USP32: variants seen among roughly 807,000 people sequenced by gnomAD.
USP32 encodes ubiquitin carboxyl-terminal hydrolase 32.
Under a neutral mutation model 204.8 loss-of-function variants are expected in USP32, and 59 were observed. The ratio of observed to expected loss-of-function variants is 0.29; its 90% confidence interval spans 0.23 to 0.36. USP32 has a LOEUF of 0.36. Among genes scored for constraint, USP32 ranks in the 10% least tolerant of loss-of-function variants. The pLI, the probability that USP32 is intolerant of heterozygous loss-of-function variation, is 1.00. For synonymous variants in USP32, 517 were observed against 678.4 expected (o/e 0.76, Z 3.70); for missense variants, 1,160 against 1,946.4 (o/e 0.60, Z 7.60).
intron 9 of USP32, among the ~76,000 whole-genome samples, chr17:60,262,571 T>C (rs1180811285): frequency 6.6e-6 from 1 of 152,154 alleles, no homozygotes; most frequent in East Asian, 1.9e-4. Flanking sequence ...ACTTGCTCTG[T>C]TCTACTTGAA....
intron 1 of USP32, among the ~76,000 whole-genome samples, chr17:60,370,597 CA>C (rs200083885): frequency 1.3e-5 from 2 of 148,776 alleles, no homozygotes; most frequent in Admixed American, 6.7e-5. Context: ...CCTGCCTCTA[CA>C]AAAAAAAATA....
intron 2 of USP32, among the ~76,000 whole-genome samples, chr17:60,313,302 T>A (rs2087899063): frequency 6.6e-6 from 1 of 152,030 alleles, no homozygotes; most frequent in Non-Finnish European, 1.5e-5. Flanking sequence ...TTCCTATATG[T>A]GTGTGTTTTG....
intron 1 of USP32, chr17:60,421,917 G>T: frequency 1.0e-6 from 1 of 985,684 alleles, no homozygotes; most frequent in Non-Finnish European, 1.2e-6. Context: ...GACCGCTGCG[G>T]TACCTGCCCC....
At chr17:60,217,357 C>T (rs1026206815) in intron 16 of USP32, among the ~76,000 whole-genome samples, 7 of 152,144 alleles carry the variant, frequency 4.6e-5, no homozygotes, top group African/African-American at 1.4e-4. Context: ...GTGCATGGCG[C>T]GATCTCGGCT....
chr17:60,388,772 G>A (rs1261602231), intron 1 of USP32, among the ~76,000 whole-genome samples: 1 of 152,178 alleles, frequency 6.6e-6, no homozygotes, highest in Admixed American at 6.5e-5. Flanking sequence ...TTAAGGTTTA[G>A]ACAACTGACA....
chr17:60,256,275 A>G (rs2086302028), intron 9 of USP32, among the ~76,000 whole-genome samples: 1 of 152,166 alleles, frequency 6.6e-6, no homozygotes, highest in African/African-American at 2.4e-5. Flanking sequence ...TTGTTTTTTC[A>G]AAAAAGTTCA....
At chr17:60,204,281 C>T (rs1201136846) in intron 26 of USP32, among the ~76,000 whole-genome samples, 1 of 152,134 alleles carries the variant, frequency 6.6e-6, no homozygotes, top group South Asian at 2.1e-4. Context: ...TACACAAACA[C>T]ACAGGAAACA....
chr17:60,358,887 T>C (rs1368355499), intron 1 of USP32, among the ~76,000 whole-genome samples: 1 of 152,200 alleles, frequency 6.6e-6, no homozygotes, highest in Non-Finnish European at 1.5e-5. Context: ...AGATTGAGAA[T>C]CTCTGGCTTA....
At chr17:60,420,041 G>A (rs982526207) in intron 1 of USP32, among the ~76,000 whole-genome samples, 5 of 146,972 alleles carry the variant, frequency 3.4e-5, no homozygotes, top group Admixed American at 3.4e-4. Context: ...TGTATTTTTA[G>A]TATTTTTATT....
chr17:60,306,754 C>T (rs1372434149), intron 2 of USP32, among the ~76,000 whole-genome samples: 1 of 152,090 alleles, frequency 6.6e-6, no homozygotes, highest in Non-Finnish European at 1.5e-5. Context: ...AGCCTTGTTA[C>T]CAGATAACAT....
At chr17:60,332,031 TC>T (rs1202335592) in intron 2 of USP32, among the ~76,000 whole-genome samples, 2 of 151,870 alleles carry the variant, frequency 1.3e-5, no homozygotes, top group East Asian at 3.9e-4. Flanking sequence ...TTGCTTGAGC[TC>T]AGGAGTTCAA....
chr17:60,343,597 A>C (rs2145998178), intron 2 of USP32, among the ~76,000 whole-genome samples: 1 of 152,350 alleles, frequency 6.6e-6, no homozygotes, highest in South Asian at 2.1e-4. Flanking sequence ...TGTTCTTTGA[A>C]ACCAATGAGA....
At chr17:60,395,869 T>C (rs1301866817), upstream of USP32, among the ~76,000 whole-genome samples, 1 of 152,074 alleles carries the variant, frequency 6.6e-6, no homozygotes, top group Non-Finnish European at 1.5e-5. Context: ...CAAAGAACCT[T>C]AGGTAAGCTA....
chr17:60,199,597 G>A (rs2084621570), intron 26 of USP32, among the ~76,000 whole-genome samples: 1 of 152,026 alleles, frequency 6.6e-6, no homozygotes, highest in Admixed American at 6.5e-5. Flanking sequence ...ACTCACTAGG[G>A]GTTAAGTTAG....
At chr17:60,400,989 C>A (rs992847435) in intron 1 of USP32, among the ~76,000 whole-genome samples, 4 of 152,090 alleles carry the variant, frequency 2.6e-5, no homozygotes, top group Admixed American at 2.6e-4. Context: ...AAAACCCCAT[C>A]TCTACAAAAA....
At chr17:60,258,852 A>G (rs1184260841) in intron 9 of USP32, among the ~76,000 whole-genome samples, 1 of 152,190 alleles carries the variant, frequency 6.6e-6, no homozygotes, top group Admixed American at 6.5e-5. Context: ...CAGCATATAC[A>G]ATAAGGTAAA....
chr17:60,415,140 C>T (rs1049598921), intron 1 of USP32, among the ~76,000 whole-genome samples: 6 of 152,160 alleles, frequency 3.9e-5, no homozygotes, highest in African/African-American at 1.4e-4. Flanking sequence ...CTTAGTCTCA[C>T]TTGCAGCCTG....
chr17:60,266,678 T>TG (rs2086600929), intron 7 of USP32, among the ~76,000 whole-genome samples: 1 of 147,478 alleles, frequency 6.8e-6, no homozygotes, highest in Admixed American at 6.8e-5. Flanking sequence ...TTTTTTGAGA[T>TG]GGAGTCTCAC....
At chr17:60,336,910 A>G (rs1441232107) in intron 2 of USP32, among the ~76,000 whole-genome samples, 1 of 152,158 alleles carries the variant, frequency 6.6e-6, no homozygotes, top group Admixed American at 6.5e-5. Context: ...TGTCAAGATC[A>G]AGATATACCG....
Sources: gnomAD v4.1 joint callset for allele counts (sites outside exome capture counted in the v4.1 genomes callset) on GRCh38, gnomAD v4.1.1 for gene constraint, MANE v1.5 for transcripts, NCBI Gene and HGNC (gene_info 2026-07-23, HGNC 2026-07-21) for gene names.